The following MAP3K4 variants were observed in gnomAD, a reference collection of about 807,000 sequenced individuals.
MAP3K4 encodes the protein MAP three kinase 1.
In MAP3K4, 67 loss-of-function variants were observed where a neutral mutation model predicts 185.6. The observed-to-expected ratio is 0.36, with a 90% CI of 0.30 to 0.44. MAP3K4 has a LOEUF of 0.44. Among genes scored for constraint, MAP3K4 ranks in the 20% least tolerant of loss-of-function variants. The pLI, the probability that MAP3K4 is intolerant of heterozygous loss-of-function variation, is 1.00. For missense variants in MAP3K4, 1,551 were observed against 1,995.1 expected (o/e 0.78, Z 4.24); for synonymous variants, 702 against 710.4 (o/e 0.99, Z 0.19).
chr6:161,090,270 T>G (rs1172541738), intron 11 of MAP3K4, among the ~76,000 whole-genome samples: 2 of 152,240 alleles, frequency 1.3e-5, no homozygotes, highest in Non-Finnish European at 2.9e-5. Flanking sequence ...GATGGAGACC[T>G]TGTGTGCACT....
chr6:161,093,936 G>A lies in MAP3K4; in HGVS notation c.3427+85G>A, dbSNP rs1345694045. ...CTTGTAATTGCAGTCGTTTAAAATG[G>A]TATAAGAGGTGTTTTAACAGTATTC... On this transcript the variant is annotated intron_variant, in intron 15 of 26. Transcript: ENST00000392142. This position sits in a 1 kb window ranked among gnomAD's most constrained non-coding sequence, Gnocchi z 5.2. 7.9e-6 allele frequency: 8 copies of A among 1,008,088 alleles called. No homozygotes were observed. In the South Asian group the frequency reaches 9.6e-5, roughly 12 times the overall value. 62.4% of individuals were successfully genotyped at this position (1,008,088 alleles called of 1,614,324 possible). A position where few individuals can be genotyped will look rare whatever the true frequency, so the allele number is the denominator to read the frequency against.
chr6:161,041,982 C>T (rs1158786649), intron 2 of MAP3K4, among the ~76,000 whole-genome samples: 1 of 137,826 alleles, frequency 7.3e-6, no homozygotes, highest in Non-Finnish European at 1.5e-5. Context: ...GGCCCGGAAC[C>T]TCTGGACTCA....
intron 2 of MAP3K4, among the ~76,000 whole-genome samples, chr6:161,041,273 C>T (rs191587718): frequency 6.6e-6 from 1 of 152,346 alleles, no homozygotes; most frequent in Admixed American, 6.5e-5. Context: ...ATGCTGACCA[C>T]GCTGATGCCT....
At position 161,076,813 on chromosome 6, in the gene MAP3K4, A is replaced by G. The variant is rs1785198051; in HGVS notation, c.2097+3201A>G. 6.6e-6 allele frequency among the ~76,000 whole-genome samples: 1 copy of G among 152,228 alleles called. No individual in the cohort carries two copies. Among genetic ancestry groups the G allele is most frequent in the Admixed American group, 6.5e-5 (1 of 15,288 alleles). Reference sequence around the variant, plus strand: ...TCCTACAGATAATTATTGGGTATCCACTGTGTGCCAGGCAGGCACCATGCG... The same window carrying G: ...TCCTACAGATAATTATTGGGTATCCGCTGTGTGCCAGGCAGGCACCATGCG... On this transcript the variant is annotated intron_variant, in intron 5 of 26. Transcript: ENST00000392142. This position sits in a 1 kb window ranked among gnomAD's most constrained non-coding sequence, Gnocchi z 4.2.
At chr6:161,041,663 C>T (rs1037381909) in intron 2 of MAP3K4, among the ~76,000 whole-genome samples, 3 of 152,182 alleles carry the variant, frequency 2.0e-5, no homozygotes, top group Non-Finnish European at 4.4e-5. Context: ...CCCAGGTGCA[C>T]TTGGGCCTCA....
At chr6:161,010,163 C>CT (rs1233260959) in intron 1 of MAP3K4, among the ~76,000 whole-genome samples, 11 of 152,316 alleles carry the variant, frequency 7.2e-5, no homozygotes, top group African/African-American at 2.6e-4. Context: ...GACTGTACTA[C>CT]TTGAGAGTAG....
chr6:161,048,031 T>G lies in MAP3K4; in HGVS notation c.344-585T>G, dbSNP rs2114758302. ...CCACTTGTTTGTGGCAAAGGAGAAA[T>G]AAAGGAATAGAATAAACTAACGTCA... On this transcript the variant is annotated intron_variant, in intron 2 of 26. Coordinates refer to ENST00000392142, the MANE Select transcript of MAP3K4 (RefSeq NM_005922.4). This position sits in a 1 kb window ranked among gnomAD's most constrained non-coding sequence, Gnocchi z 4.7. Among the ~76,000 whole-genome samples, 1 of 152,272 alleles carries G rather than the reference T, an allele frequency of 6.6e-6. No individual in the cohort carries two copies. Among genetic ancestry groups the G allele is most frequent in the South Asian group, 2.1e-4 (1 of 4,828 alleles).
At chr6:161,035,019 A>G (rs1783099102) in intron 2 of MAP3K4, among the ~76,000 whole-genome samples, 1 of 152,154 alleles carries the variant, frequency 6.6e-6, no homozygotes, top group Admixed American at 6.5e-5. Context: ...ATATTGCTCT[A>G]TTAGACACGG....
Position 160,991,821 on chromosome 6 carries a change from C to G in MAP3K4, c.-111C>G. 1.6e-6 allele frequency: 2 copies of G among 1,215,572 alleles called. No individual in the cohort carries two copies. Among genetic ancestry groups the G allele is most frequent in the Non-Finnish European group, 2.1e-6 (2 of 937,496 alleles). The allele number at this position is 1,215,572 out of a possible 1,614,324, so 75.3% of individuals were successfully genotyped here. Reference sequence around the variant, plus strand: ...GCCGCGGCGCGCACGGCTCCTGCGGCGGGGTAGAGGCGGAGGCGGAGTCGA... The same window carrying G: ...GCCGCGGCGCGCACGGCTCCTGCGGGGGGGTAGAGGCGGAGGCGGAGTCGA... On this transcript the variant is annotated 5_prime_UTR_variant, in exon 1 of 27. Coordinates refer to ENST00000392142, the MANE Select transcript of MAP3K4 (RefSeq NM_005922.4). This position sits in a 1 kb window ranked among gnomAD's most constrained non-coding sequence, Gnocchi z 5.7.
In MAP3K4 at chr6:161,111,938, A is replaced by G; in HGVS notation, c.4499A>G (p.Asn1500Ser). The G allele has an allele frequency of 6.2e-7, 1 of 1,614,118 alleles. No homozygotes were observed. Among genetic ancestry groups the G allele is most frequent in the Non-Finnish European group, 8.5e-7 (1 of 1,179,990 alleles). ...GCCCAGACCATGCCTGGTGAAGTGA[A>G]CAGCACCCTGGGGACAGCAGGTAGG... ...NNAQTMPGEV[N>S]STLGTAAYMA... Residue 1500 changes from asparagine (N) to serine (S), a missense_variant, in exon 24 of 27, where the codon AAC becomes AGC. Asn to Ser is a conservative substitution (Grantham distance 46, BLOSUM62 1). This residue lies in a region of MAP3K4 where 159 missense variants were observed against 300.5 expected (regional missense o/e 0.53). Coordinates refer to ENST00000392142, the MANE Select transcript of MAP3K4 (RefSeq NM_005922.4).
At position 161,109,938 on chromosome 6, in the gene MAP3K4, C is replaced by T; in HGVS notation, c.4396+24C>T. ...AGGTAATCCCACACCCGCCTGGCTG[C>T]TGTGGGCCAGAGCCACTGGTACCCA... is the stretch of plus-strand genomic sequence containing the variant. On this transcript the variant is annotated intron_variant, in intron 23 of 26. Coordinates refer to ENST00000392142, the MANE Select transcript of MAP3K4 (RefSeq NM_005922.4). This position sits in a 1 kb window ranked among gnomAD's most constrained non-coding sequence, Gnocchi z 5.7. The T allele has an allele frequency of 6.2e-7, 1 of 1,611,930 alleles. No individual in the cohort carries two copies. Among genetic ancestry groups the T allele is most frequent in the Non-Finnish European group, 8.5e-7 (1 of 1,179,070 alleles).
At chr6:161,026,220 T>G (rs565130442) in intron 1 of MAP3K4, among the ~76,000 whole-genome samples, 5 of 152,114 alleles carry the variant, frequency 3.3e-5, no homozygotes, top group African/African-American at 9.6e-5. Context: ...AAGCTCTGCC[T>G]CCTGGGTTCA....
intron 6 of MAP3K4, among the ~76,000 whole-genome samples, chr6:161,083,633 C>G (rs914591827): frequency 2.6e-5 from 4 of 152,088 alleles, no homozygotes; most frequent in Non-Finnish European, 4.4e-5. Flanking sequence ...CATGAACATG[C>G]TTGCTTGACT....
Position 161,114,617 on chromosome 6 carries a change from C to T in MAP3K4, c.4627-506C>T, listed in dbSNP as rs1461364590. On this transcript the variant is annotated intron_variant, in intron 25 of 26. Transcript: ENST00000392142. The surrounding 1 kb of genome is among the most constrained non-coding windows in gnomAD (Gnocchi z 4.3). ...ATAGTTTAGAAATTAGAATGCCATA[C>T]ACACTTAGTTCCTTCCCCTGTGAAT... Among the ~76,000 whole-genome samples, 2 of 152,196 alleles carry T rather than the reference C, an allele frequency of 1.3e-5. No individual in the cohort carries two copies. The highest frequency in any genetic ancestry group is 2.4e-5 in the African/African-American group (1 of 41,446).
At chr6:161,072,214 A>G (rs1229018007) in intron 4 of MAP3K4, among the ~76,000 whole-genome samples, 1 of 152,202 alleles carries the variant, frequency 6.6e-6, no homozygotes, top group Non-Finnish European at 1.5e-5. Context: ...TTACTTTAAA[A>G]CATTTCTGGG....
chr6:161,088,576 A>G lies in MAP3K4; in HGVS notation c.2823+622A>G, dbSNP rs567106354. 2.6e-5 allele frequency among the ~76,000 whole-genome samples: 4 copies of G among 152,296 alleles called. No individual in the cohort carries two copies. Among genetic ancestry groups the G allele is most frequent in the Admixed American group, 1.3e-4 (2 of 15,298 alleles). On this transcript the variant is annotated intron_variant, in intron 10 of 26. Coordinates refer to ENST00000392142, the MANE Select transcript of MAP3K4 (RefSeq NM_005922.4). This position sits in a 1 kb window ranked among gnomAD's most constrained non-coding sequence, Gnocchi z 4.5. ...AGTGAATGGTTCCGCGTTCACTCAC[A>G]TGTTTAAACCAGAAGTGTGACAGCT...
rs570758870 is a variant in MAP3K4 at position 161,104,575 on chromosome 6, G to T, written c.3856+1796G>T. Among the ~76,000 whole-genome samples the T allele has an allele frequency of 4.0e-5, 6 of 151,882 alleles. No homozygotes were observed. In the East Asian group the frequency reaches 7.8e-4, roughly 20 times the overall value. On this transcript the variant is annotated intron_variant, in intron 19 of 26. Transcript: ENST00000392142. ...GAGAATACAAAATTAACTGGACGTG[G>T]TGGTGCGCGCCTGTAGTCCCAGCTA... is the stretch of plus-strand genomic sequence containing the variant.
At chr6:161,031,066 G>A (rs1295415147) in intron 1 of MAP3K4, among the ~76,000 whole-genome samples, 1 of 152,198 alleles carries the variant, frequency 6.6e-6, no homozygotes, top group Non-Finnish European at 1.5e-5. Flanking sequence ...GTTTATGACA[G>A]TATTCATCTT....
rs1329368967 is a variant in MAP3K4 at position 161,108,288 on chromosome 6, G to A, written c.4119+319G>A. On this transcript the variant is annotated intron_variant, in intron 21 of 26. Transcript: ENST00000392142. The surrounding 1 kb of genome is among the most constrained non-coding windows in gnomAD (Gnocchi z 5.7). ...CAGTAGTGTCTTATGGGGACACATT[G>A]GGGGAGAAGATAACATTTATGATAA... Among the ~76,000 whole-genome samples the A allele has an allele frequency of 6.6e-6, 1 of 152,208 alleles. No individual in the cohort carries two copies. The highest frequency in any genetic ancestry group is 2.4e-5 in the African/African-American group (1 of 41,444).
Sources: allele counts gnomAD v4.1 joint callset (sites outside exome capture counted in the v4.1 genomes callset), GRCh38; gene constraint gnomAD v4.1.1; regional missense constraint gnomAD v4.1.1; non-coding constraint Gnocchi (gnomAD v3.1); transcripts MANE v1.5; gene names NCBI Gene and HGNC (gene_info 2026-07-23, HGNC 2026-07-21).